PRPSAP1: variants seen among roughly 807,000 people sequenced by gnomAD.
PRPSAP1 encodes phosphoribosyl pyrophosphate synthetase associated protein 1, also known as phosphoribosyl pyrophosphate synthase-associated protein 1.
PRPSAP1 carries 31 observed loss-of-function variants against 39.4 expected under a neutral mutation model. That is an observed-to-expected ratio of 0.79 (90% CI 0.59 to 1.06). PRPSAP1 has a LOEUF of 1.06. Among genes scored for constraint, PRPSAP1 ranks in the 50% least tolerant of loss-of-function variants. The pLI, the probability that PRPSAP1 is intolerant of heterozygous loss-of-function variation, is 0.00. For missense variants in PRPSAP1, 430 were observed against 511.6 expected (o/e 0.84, Z 1.54); for synonymous variants, 212 against 192.6 (o/e 1.10, Z -0.83).
chr17:76,325,728 C>T (rs2071249418), intron 7 of PRPSAP1, among the ~76,000 whole-genome samples: 2 of 151,560 alleles, frequency 1.3e-5, no homozygotes, highest in South Asian at 2.1e-4. Flanking sequence ...GCCTCAGCCA[C>T]CCGGTAGCTG....
intron 7 of PRPSAP1, among the ~76,000 whole-genome samples, chr17:76,316,622 C>G (rs1481823640): frequency 2.0e-5 from 3 of 152,188 alleles, no homozygotes; most frequent in Non-Finnish European, 4.4e-5. Flanking sequence ...TAAAACTACC[C>G]TAAGTTTAGA....
At chr17:76,347,484 C>CAAAAAAAAAAAAAA (rs71161289) in intron 2 of PRPSAP1, among the ~76,000 whole-genome samples, 20 of 25,222 alleles carry the variant, frequency 7.9e-4, no homozygotes, top group East Asian at 6.0e-3. Flanking sequence ...AAGACTCCGT[C>CAAAAAAAAAAAAAA]AAAAAAAAAA....
Position 76,313,139 on chromosome 17 carries a change from C to T in PRPSAP1, c.853-123G>A, listed in dbSNP as rs745975182. 12 of 1,259,378 alleles carry T rather than the reference C, an allele frequency of 9.5e-6. No homozygotes were observed. The Middle Eastern group carries it at 1.4e-3, about 149-fold the overall frequency. The allele number at this position is 1,259,378 out of a possible 1,614,324, so 78.0% of individuals were successfully genotyped here. A position where few individuals can be genotyped will look rare whatever the true frequency, so the allele number is the denominator to read the frequency against. On this transcript the variant is annotated intron_variant, in intron 8 of 9. Coordinates refer to ENST00000446526, the MANE Select transcript of PRPSAP1 (RefSeq NM_002766.3). ...GAGGATTTCTGATGGAAAATCAGAG[C>T]TGTGTGCCTGGGTCAAAGAACGAGC...
intron 7 of PRPSAP1, among the ~76,000 whole-genome samples, chr17:76,316,002 ACT>A (rs1432565512): frequency 6.7e-6 from 1 of 149,754 alleles, no homozygotes; most frequent in Admixed American, 6.6e-5. Flanking sequence ...ACATGGTGAA[ACT>A]CTGTCTCTAC....
At chr17:76,329,787 T>A (rs171135) in intron 6 of PRPSAP1, among the ~76,000 whole-genome samples, 3 of 151,892 alleles carry the variant, frequency 2.0e-5, no homozygotes, top group Non-Finnish European at 2.9e-5. Flanking sequence ...CATAGCCTCA[T>A]TGCTTTCCTT....
At chr17:76,333,352 C>T (rs1295828143) in intron 3 of PRPSAP1, among the ~76,000 whole-genome samples, 2 of 152,124 alleles carry the variant, frequency 1.3e-5, no homozygotes, top group East Asian at 1.9e-4. Flanking sequence ...TTAGGTGATC[C>T]GCCCACCTCG....
At chr17:76,353,948 G>A, upstream of PRPSAP1, 1 of 1,312,168 alleles carries the variant, frequency 7.6e-7, no homozygotes, top group South Asian at 2.2e-5. Flanking sequence ...CATCCGAAGA[G>A]CGTCGGCTAG....
At chr17:76,319,800 A>G (rs968562918) in intron 7 of PRPSAP1, among the ~76,000 whole-genome samples, 1 of 152,164 alleles carries the variant, frequency 6.6e-6, no homozygotes, top group East Asian at 1.9e-4. Flanking sequence ...CTAAAGGTAT[A>G]AGGGCTCCTT....
rs147851137 is a variant in PRPSAP1, at chr17:76,327,521, C to T, written c.781+1196G>A. Among the ~76,000 whole-genome samples the T allele has an allele frequency of 4.5e-3, 678 of 151,570 alleles. 5 individuals carry two copies. The highest frequency in any genetic ancestry group is 0.015 in the African/African-American group (629 of 41,248). ...TACAAAAATTAGCTCGGCGTGTTGG[C>T]GCGCACCTATAGCCCCAGCCACTGG... On this transcript the variant is annotated intron_variant, in intron 7 of 9. Coordinates refer to ENST00000446526, the MANE Select transcript of PRPSAP1 (RefSeq NM_002766.3).
chr17:76,320,503 C>T (rs1474381182), intron 7 of PRPSAP1, among the ~76,000 whole-genome samples: 2 of 146,812 alleles, frequency 1.4e-5, no homozygotes, highest in African/African-American at 5.1e-5. Flanking sequence ...CAGTTCACTC[C>T]AACCTCTGCC....
intron 5 of PRPSAP1, 67 bp downstream of exon 5, chr17:76,330,484 G>A: frequency 8.1e-7 from 1 of 1,234,932 alleles, no homozygotes. Flanking sequence ...AACGAAATCT[G>A]ATACCAGAGA....
At chr17:76,349,736 C>T (rs925876026) in intron 1 of PRPSAP1, among the ~76,000 whole-genome samples, 2 of 151,492 alleles carry the variant, frequency 1.3e-5, no homozygotes, top group South Asian at 2.1e-4. Context: ...ACTCCAGCCT[C>T]GGCAACAGGA....
At chr17:76,325,272 G>A (rs1272865565) in intron 7 of PRPSAP1, among the ~76,000 whole-genome samples, 2 of 150,150 alleles carry the variant, frequency 1.3e-5, no homozygotes, top group East Asian at 2.0e-4. Context: ...ACCCGGGCGT[G>A]GTAGCGGGTG....
At chr17:76,330,277 C>A (rs79216977) in intron 5 of PRPSAP1, 179 bp from the exon 6 acceptor site, 2 of 599,534 alleles carry the variant, frequency 3.3e-6, no homozygotes, top group Non-Finnish European at 5.7e-6. Flanking sequence ...AAAAAGCACT[C>A]CTACGTCAAG....
At chr17:76,323,436 G>C (rs1278116315) in intron 7 of PRPSAP1, among the ~76,000 whole-genome samples, 1 of 151,814 alleles carries the variant, frequency 6.6e-6, no homozygotes, top group Non-Finnish European at 1.5e-5. Flanking sequence ...CTCTGGAAAG[G>C]ATGCACCATT....
intron 7 of PRPSAP1, among the ~76,000 whole-genome samples, chr17:76,318,816 G>A (rs896851615): frequency 6.6e-6 from 1 of 152,122 alleles, no homozygotes; most frequent in African/African-American, 2.4e-5. Flanking sequence ...GGGAAACCAT[G>A]GTTATGACCG....
intron 1 of PRPSAP1, chr17:76,353,309 G>A (rs1856307209): frequency 2.0e-6 from 1 of 507,682 alleles, no homozygotes; most frequent in Non-Finnish European, 3.4e-6. Context: ...CCAGTCACGG[G>A]GCGGGGGGCT....
rs1174779641 is a variant in PRPSAP1 at position 76,344,749 on chromosome 17, A to C, written c.224-12T>G. Reference sequence around the variant, plus strand: ...TTCAACTCTTGTTTCTGAAAAATAAAAATGTTCTGAAGTTTTAAGAAAAGC... The same window carrying C: ...TTCAACTCTTGTTTCTGAAAAATAACAATGTTCTGAAGTTTTAAGAAAAGC... On this transcript the variant is annotated splice_polypyrimidine_tract_variant and intron_variant, in intron 2 of 9. Coordinates refer to ENST00000446526, the MANE Select transcript of PRPSAP1 (RefSeq NM_002766.3). 1.7e-5 allele frequency: 26 copies of C among 1,538,016 alleles called. No homozygotes were observed. Among genetic ancestry groups the C allele is most frequent in the Non-Finnish European group, 2.2e-5 (25 of 1,129,338 alleles).
rs997665095 is a variant in PRPSAP1 at position 76,344,560 on chromosome 17, G to A, written c.290+111C>T. On this transcript the variant is annotated intron_variant, in intron 3 of 9. Transcript: ENST00000446526. ...CATAACAGGCGTGAGCCACACGCCCGGCCTGAATATATAACTTTTAAAAAC... is the reference window on the plus strand; with the variant it reads ...CATAACAGGCGTGAGCCACACGCCCAGCCTGAATATATAACTTTTAAAAAC... 76 of 998,656 alleles carry A rather than the reference G, an allele frequency of 7.6e-5. 1 individual carries two copies. The African/African-American group carries it at 9.4e-4, about 12-fold the overall frequency. 61.9% of individuals were successfully genotyped at this position (998,656 alleles called of 1,614,324 possible). A position where few individuals can be genotyped will look rare whatever the true frequency, so the allele number is the denominator to read the frequency against.
Sources: allele counts gnomAD v4.1 joint callset (sites outside exome capture counted in the v4.1 genomes callset), GRCh38; gene constraint gnomAD v4.1.1; transcripts MANE v1.5; gene names NCBI Gene and HGNC (gene_info 2026-07-23, HGNC 2026-07-21).